DBT: variants seen among roughly 807,000 people sequenced by gnomAD.
The protein encoded by DBT is dihydrolipoamide branched chain transacylase E2, also known as lipoamide acyltransferase component of branched-chain alpha-keto acid dehydrogenase complex, mitochondrial.
Under a neutral mutation model 51.3 loss-of-function variants are expected in DBT, and 40 were observed. The observed-to-expected ratio is 0.78, with a 90% CI of 0.61 to 1.02. The LOEUF is 1.02. DBT is among the 50% of genes least tolerant of loss of function. The pLI, the probability that DBT is intolerant of heterozygous loss-of-function variation, is 0.00. For synonymous variants in DBT, 181 were observed against 190.4 expected (o/e 0.95, Z 0.41); for missense variants, 510 against 580.2 (o/e 0.88, Z 1.24).
intron 6 of DBT, among the ~76,000 whole-genome samples, chr1:100,215,418 T>C (rs1662418168): frequency 6.6e-6 from 1 of 152,234 alleles, no homozygotes; most frequent in South Asian, 2.1e-4. Context: ...AGAGCAATTA[T>C]CAATATACAA....
Position 100,240,829 on chromosome 1 carries a change from T to A in DBT, c.107A>T (p.Tyr36Phe), listed in dbSNP as rs1350499126. 2.5e-6 allele frequency: 4 copies of A among 1,611,132 alleles called. No individual in the cohort carries two copies. In the East Asian group the frequency reaches 8.9e-5, roughly 36 times the overall value. ...TGAAGGATAACCAAAGAAACACACA[T>A]AATTTGGCTTCAAAACATGAACATT... ...CGNVHVLKPNYVCFFGYPSFK... is the reference protein window; with the variant it reads ...CGNVHVLKPNFVCFFGYPSFK... The change falls in exon 2 of 11, where the codon TAT becomes TTT. Residue 36 changes from tyrosine (Y) to phenylalanine (F), a missense_variant. Coordinates refer to ENST00000370132, the MANE Select transcript of DBT (RefSeq NM_001918.5).
At chr1:100,243,819 A>G (rs185766376) in intron 1 of DBT, among the ~76,000 whole-genome samples, 1 of 152,150 alleles carries the variant, frequency 6.6e-6, no homozygotes, top group Non-Finnish European at 1.5e-5. Flanking sequence ...CTAATTTCAA[A>G]GAGTTTACAA....
intron 1 of DBT, among the ~76,000 whole-genome samples, chr1:100,241,847 T>C (rs181840407): frequency 2.0e-4 from 30 of 152,242 alleles, no homozygotes; most frequent in East Asian, 9.7e-4. Context: ...GGTGAAACCC[T>C]GTCTCTACTA....
chr1:100,197,056 A>G, intron 10 of DBT: 1 of 202,996 alleles, frequency 4.9e-6, no homozygotes, highest in Admixed American at 4.5e-5. Flanking sequence ...ATCATCTAAA[A>G]TGAACCCAGC....
Position 100,187,573 on chromosome 1 carries a change from G to C in DBT, c.*8682C>G, listed in dbSNP as rs1660621116. The C allele has an allele frequency of 6.6e-6, 1 of 152,152 alleles. No homozygotes were observed. The highest frequency in any genetic ancestry group is 1.5e-5 in the Non-Finnish European group (1 of 68,036). The allele number at this position is 152,152 out of a possible 1,614,324, so 9.4% of individuals were successfully genotyped here. A position where few individuals can be genotyped will look rare whatever the true frequency, so the allele number is the denominator to read the frequency against. ...GACAAAGTCTCACTCTGTCACCCAG[G>C]CTGGAGTGCAGTGGTGCAATCACAG... On this transcript the variant is annotated 3_prime_UTR_variant, in exon 11 of 11. Coordinates refer to ENST00000370132, the MANE Select transcript of DBT (RefSeq NM_001918.5).
intron 4 of DBT, among the ~76,000 whole-genome samples, chr1:100,219,170 AG>A (rs1662680879): frequency 6.6e-6 from 1 of 152,096 alleles, no homozygotes; most frequent in Non-Finnish European, 1.5e-5. Flanking sequence ...GAGGCAACAT[AG>A]GGAGACCCCA....
At chr1:100,210,828 A>C (rs1387313878) in intron 7 of DBT, 57 bp from the exon 8 acceptor site, 3 of 1,601,034 alleles carry the variant, frequency 1.9e-6, no homozygotes, top group East Asian at 4.5e-5. Flanking sequence ...AGGATAGAGA[A>C]TTTGAAACAA....
chr1:100,190,296 T>A lies in DBT; in HGVS notation c.*5959A>T, dbSNP rs567706972. 1.3e-5 allele frequency: 2 copies of A among 152,216 alleles called. No individual in the cohort carries two copies. Among genetic ancestry groups the A allele is most frequent in the Admixed American group, 6.5e-5 (1 of 15,274 alleles). The allele number at this position is 152,216 out of a possible 1,614,324, so 9.4% of individuals were successfully genotyped here. On this transcript the variant is annotated 3_prime_UTR_variant, in exon 11 of 11. Coordinates refer to ENST00000370132, the MANE Select transcript of DBT (RefSeq NM_001918.5). The stretch of plus-strand genomic sequence containing the variant: ...AGGGTGCATGTTGGAGGGGAAGAGA[T>A]AGAATATGAAGAATCTCTTGAGAAG...
At chr1:100,249,663 C>T in intron 1 of DBT, 107 bp downstream of exon 1, 1 of 1,070,036 alleles carries the variant, frequency 9.3e-7, no homozygotes, top group East Asian at 2.4e-5. Context: ...CTCTCCATCA[C>T]GCGTGCCCTG....
intron 4 of DBT, among the ~76,000 whole-genome samples, chr1:100,220,733 C>T (rs180968524): frequency 6.6e-6 from 1 of 152,208 alleles, no homozygotes; most frequent in Non-Finnish European, 1.5e-5. Context: ...AGGTGAGACA[C>T]CTAATAAATC....
Position 100,216,466 on chromosome 1 carries a change from C to T in DBT, c.556-267G>A, listed in dbSNP as rs558421283. On this transcript the variant is annotated intron_variant, in intron 5 of 10. Coordinates refer to ENST00000370132, the MANE Select transcript of DBT (RefSeq NM_001918.5). ...TTTTTAAAAAAATTTTTTGTAGAGA[C>T]AGGGTCTCACTCTGTTGCCCTGGCT... Among the ~76,000 whole-genome samples the T allele has an allele frequency of 2.0e-5, 3 of 152,258 alleles. No homozygotes were observed. In the East Asian group the frequency reaches 5.8e-4, roughly 29 times the overall value.
In DBT at chr1:100,196,328, G is replaced by T. The variant is rs752740236; in HGVS notation, c.1376C>A (p.Thr459Lys). 31 of 1,589,066 alleles carry T rather than the reference G, an allele frequency of 2.0e-5. No individual in the cohort carries two copies. The South Asian group carries it at 3.4e-4, about 18-fold the overall frequency. ...SADHRVIDGA[T>K]MSRFSNLWKS... is the part of the protein sequence containing the mutation. ...CCACAAATTGGAGAAGCGTGACATT[G>T]TAGCACCATCAATAACTCTGTGATC... Residue 459 changes from threonine (T) to lysine (K), a missense_variant, in exon 11 of 11, where the codon ACA becomes AAA. Coordinates refer to ENST00000370132, the MANE Select transcript of DBT (RefSeq NM_001918.5).
At chr1:100,214,785 C>T (rs756857174) in intron 7 of DBT, 32 bp downstream of exon 7, 1 of 1,607,836 alleles carries the variant, frequency 6.2e-7, no homozygotes, top group South Asian at 1.1e-5. Flanking sequence ...AAATGTCCTA[C>T]TCAAGCCTTG....
intron 1 of DBT, among the ~76,000 whole-genome samples, chr1:100,243,697 T>C (rs556624722): frequency 1.3e-5 from 2 of 152,052 alleles, no homozygotes; most frequent in South Asian, 4.2e-4. Context: ...GGGAAACTGA[T>C]GGGAAAGGTG....
At chr1:100,241,779 G>A (rs1664234049) in intron 1 of DBT, among the ~76,000 whole-genome samples, 2 of 152,160 alleles carry the variant, frequency 1.3e-5, no homozygotes, top group South Asian at 4.1e-4. Context: ...AGCACTTTGG[G>A]AGGCCAAGGT....
intron 7 of DBT, among the ~76,000 whole-genome samples, chr1:100,212,567 G>T (rs370240502): frequency 6.6e-6 from 1 of 152,102 alleles, no homozygotes; most frequent in African/African-American, 2.4e-5. Context: ...AAAGAAAAAG[G>T]GAGATAAAGA....
rs190263384 is a variant in DBT, at chr1:100,202,543, C to T, written c.1281+3687G>A. 2.2e-4 allele frequency among the ~76,000 whole-genome samples: 33 copies of T among 152,092 alleles called. 2 individuals carry two copies. Among genetic ancestry groups the T allele is most frequent in the Admixed American group, 1.7e-3 (26 of 15,248 alleles). ...AATGAGACAGAAGATTAACAAGCAT[C>T]TTCAGGACTTGAACTCAGCTCTGGA... On this transcript the variant is annotated intron_variant, in intron 10 of 10. Coordinates refer to ENST00000370132, the MANE Select transcript of DBT (RefSeq NM_001918.5).
intron 4 of DBT, among the ~76,000 whole-genome samples, chr1:100,219,653 C>T (rs12566522): frequency 2.6e-5 from 4 of 151,642 alleles, no homozygotes; most frequent in East Asian, 3.9e-4. Flanking sequence ...GAAGCTGAGG[C>T]GGGGAGAATC....
chr1:100,209,367 TG>T (rs1661994366), intron 8 of DBT, among the ~76,000 whole-genome samples: 2 of 152,098 alleles, frequency 1.3e-5, no homozygotes, highest in Admixed American at 1.3e-4. Context: ...CCCAAAGTGC[TG>T]GGATTACAGG....
Sources: allele counts gnomAD v4.1 joint callset (sites outside exome capture counted in the v4.1 genomes callset), GRCh38; gene constraint gnomAD v4.1.1; transcripts MANE v1.5; gene names NCBI Gene and HGNC (gene_info 2026-07-23, HGNC 2026-07-21).